The following DMPK variants were observed in gnomAD, a reference collection of about 807,000 sequenced individuals.
DMPK encodes the protein DM1 protein kinase, also known as myotonin-protein kinase.
Under a neutral mutation model 70.3 loss-of-function variants are expected in DMPK, and 32 were observed. The ratio of observed to expected loss-of-function variants is 0.46; its 90% CI spans 0.34 to 0.61. The LOEUF (loss-of-function observed/expected upper bound fraction) is 0.61, where lower values mean the gene tolerates loss of function less well. Among genes scored for constraint, DMPK ranks in the 20% least tolerant of loss-of-function variants. DMPK has a pLI of 0.01. For missense variants in DMPK, 899 were observed against 886.0 expected (o/e 1.01, Z -0.19); for synonymous variants, 469 against 390.9 (o/e 1.20, Z -2.36).
rs1178184279 is a variant in DMPK, at chr19:45,777,858, C to T, written c.691G>A (p.Ala231Thr). The T allele has an allele frequency of 1.2e-6, 2 of 1,608,664 alleles. No homozygotes were observed. Among genetic ancestry groups the T allele is most frequent in the Non-Finnish European group, 8.5e-7 (1 of 1,179,480 alleles). The change falls in exon 7 of 15, where the codon GCT becomes ACT. Residue 231 changes from alanine to threonine, a missense_variant. By Grantham distance (58) the Ala-to-Thr change is moderately conservative. Around this residue, in one of 3 missense-constraint regions of DMPK, gnomAD observed 195 missense variants for 259.7 expected, o/e 0.75. Coordinates refer to ENST00000291270, the MANE Select transcript of DMPK (RefSeq NM_004409.5). This position sits in a 1 kb window ranked among gnomAD's most constrained non-coding sequence, Gnocchi z 6.7. ...RADGTVRSLV[A>T]VGTPDYLSPE... ...GACAGGTAGTCTGGGGTGCCCACAG[C>T]CACCAGCGACCGCACCTGGACCAAA...
intron 8 of DMPK, among the ~76,000 whole-genome samples, chr19:45,775,818 CTTT>C (rs1302500628): frequency 3.6e-5 from 3 of 84,490 alleles, no homozygotes; most frequent in Admixed American, 1.5e-4. Flanking sequence ...TTGCCCAACC[CTTT>C]TTTTTTTTTT....
rs1969820354 is a variant in DMPK, at chr19:45,777,243, G to A, written c.1146+84C>T. On this transcript the variant is annotated intron_variant, in intron 8 of 14. Transcript: ENST00000291270. The surrounding 1 kb of genome is among the most constrained non-coding windows in gnomAD (Gnocchi z 6.7). ...GGGGAATGAGTGATTCAGGACCCCA[G>A]AAGGTAGGCACTGTCCTTACTCCAA... 6.9e-7 allele frequency: 1 copy of A among 1,451,462 alleles called. No individual in the cohort carries two copies. Among genetic ancestry groups the A allele is most frequent in the Non-Finnish European group, 9.1e-7 (1 of 1,101,960 alleles). 89.9% of individuals were successfully genotyped at this position (1,451,462 alleles called of 1,614,324 possible).
At position 45,771,007 on chromosome 19, in the gene DMPK, G is replaced by A; in HGVS notation, c.1701C>T (p.Gly567=). 3 of 1,472,540 alleles carry A rather than the reference G, an allele frequency of 2.0e-6. No homozygotes were observed. The highest frequency in any genetic ancestry group is 2.7e-6 in the Non-Finnish European group (3 of 1,115,868). The allele number at this position is 1,472,540 out of a possible 1,614,324, so 91.2% of individuals were successfully genotyped here. ...GCAGCAGGTGGCGGCGGTGCATGGG[G>A]CCTGGCCCCACCAGCGGGCACTGGC... ...AVGQCPLVGP[G]PMHRRHLLLP... The change falls in exon 14 of 15, where the codon GGC becomes GGT. Residue 567 remains glycine (G), a synonymous_variant. Coordinates refer to ENST00000291270, the MANE Select transcript of DMPK (RefSeq NM_004409.5).
At position 45,777,754 on chromosome 19, in the gene DMPK, A is replaced by G; in HGVS notation, c.795T>C (p.Gly265=). The G allele has an allele frequency of 6.2e-7, 1 of 1,613,136 alleles. No homozygotes were observed. Among genetic ancestry groups the G allele is most frequent in the Non-Finnish European group, 8.5e-7 (1 of 1,179,980 alleles). Residue 265 remains glycine, a synonymous_variant, in exon 7 of 15, where the codon GGT becomes GGC. Coordinates refer to ENST00000291270, the MANE Select transcript of DMPK (RefSeq NM_004409.5). This position sits in a 1 kb window ranked among gnomAD's most constrained non-coding sequence, Gnocchi z 6.7. Reference sequence around the variant, plus strand: ...CATAGAACATTTCATAGGCGAATACACCCAGCGCCCACCAGTCACACTCGG... The same window carrying G: ...CATAGAACATTTCATAGGCGAATACGCCCAGCGCCCACCAGTCACACTCGG... ...YGPECDWWAL[G]VFAYEMFYGQ...
intron 8 of DMPK, among the ~76,000 whole-genome samples, chr19:45,776,245 G>A (rs1489725519): frequency 2.1e-5 from 2 of 93,048 alleles, no homozygotes; most frequent in Non-Finnish European, 2.2e-5. Context: ...CCGGGTTCAC[G>A]CCATTCTCCT....
rs774809286 is a variant in DMPK, at chr19:45,779,882, T to C, written c.161-13A>G. 6.2e-7 allele frequency: 1 copy of C among 1,613,120 alleles called. No individual in the cohort carries two copies. Among genetic ancestry groups the C allele is most frequent in the Non-Finnish European group, 8.5e-7 (1 of 1,179,786 alleles). On this transcript the variant is annotated splice_polypyrimidine_tract_variant and intron_variant, in intron 1 of 14. Transcript: ENST00000291270. Reference sequence around the variant, plus strand: ...ACGATGGGCTCCGCTGGGGGGGTGGTGGGGGAAAAGAACCGAGGGTCACCA... The same window carrying C: ...ACGATGGGCTCCGCTGGGGGGGTGGCGGGGGAAAAGAACCGAGGGTCACCA...
Position 45,777,218 on chromosome 19 carries a change from G to A in DMPK, c.1146+109C>T. 7.1e-7 allele frequency: 1 copy of A among 1,403,718 alleles called. No individual in the cohort carries two copies. Among genetic ancestry groups the A allele is most frequent in the Non-Finnish European group, 9.4e-7 (1 of 1,066,766 alleles). 87.0% of individuals were successfully genotyped at this position (1,403,718 alleles called of 1,614,324 possible). On this transcript the variant is annotated intron_variant, in intron 8 of 14. Coordinates refer to ENST00000291270, the MANE Select transcript of DMPK (RefSeq NM_004409.5). The surrounding 1 kb of genome is among the most constrained non-coding windows in gnomAD (Gnocchi z 6.7). ...TAGATGGGCACAGAGCAGGTGCTCT[G>A]GGGAATGAGTGATTCAGGACCCCAG... is the stretch of plus-strand genomic sequence containing the variant.
chr19:45,780,027 G>GT, intron 1 of DMPK, 158 bp from the exon 2 acceptor site: 1 of 1,549,726 alleles, frequency 6.5e-7, no homozygotes, highest in East Asian at 2.4e-5. Context: ...TAAACACCGT[G>GT]TAAGGTTCTG....
chr19:45,780,520 C>T, intron 1 of DMPK: 2 of 1,078,100 alleles, frequency 1.9e-6, no homozygotes, highest in Non-Finnish European at 2.3e-6. Flanking sequence ...GACAATCAGG[C>T]CTCTCAGAAG....
In DMPK at chr19:45,776,134, ATTTTTTT is replaced by A. The variant is rs534946812; in HGVS notation, c.1147-1107_1147-1101del. Among the ~76,000 whole-genome samples, 82 of 48,346 alleles carry A rather than the reference ATTTTTTT, an allele frequency of 1.7e-3. 9 individuals are homozygous for A. The highest frequency in any genetic ancestry group is 4.8e-3 in the African/African-American group (57 of 11,948). The allele number at this position is 48,346 out of a possible 152,430, so 31.7% of individuals were successfully genotyped here. A position where few individuals can be genotyped will look rare whatever the true frequency, so the allele number is the denominator to read the frequency against. ...ACAGCGCCCGGCCGCGGTCCAGCCT[ATTTTTTT>A]TTTTTTTTTTTTTTTTTTCTGAGAC... is the stretch of plus-strand genomic sequence containing the variant. On this transcript the variant is annotated intron_variant, in intron 8 of 14. Transcript: ENST00000291270.
Position 45,782,422 on chromosome 19 carries a change from AGCCCCTGTCCAGGCCCTGGAGCCCTGGCT to A in DMPK, c.-99_-71del. ...GGGTCCTCCTGTCACAGGGCCTGGCAGCCCCTGTCCAGGCCCTGGAGCCCTGGCTGCATGTCTGCCTGTCCCTGGCTGTC... is the reference window on the plus strand; with the variant it reads ...GGGTCCTCCTGTCACAGGGCCTGGCAGCATGTCTGCCTGTCCCTGGCTGTC... On this transcript the variant is annotated 5_prime_UTR_variant, in exon 1 of 15. The change abolishes the stop of an existing upstream ORF in the 5' untranslated region. Coordinates refer to ENST00000291270, the MANE Select transcript of DMPK (RefSeq NM_004409.5). 6.9e-7 allele frequency: 1 copy of A among 1,447,864 alleles called. No homozygotes were observed. Among genetic ancestry groups the A allele is most frequent in the Non-Finnish European group, 9.1e-7 (1 of 1,097,936 alleles). 89.7% of individuals were successfully genotyped at this position (1,447,864 alleles called of 1,614,324 possible).
At position 45,782,472 on chromosome 19, in the gene DMPK, C is replaced by T. The variant is rs1169164357; in HGVS notation, c.-120G>A. 1.7e-6 allele frequency: 2 copies of T among 1,197,650 alleles called. No individual in the cohort carries two copies. The highest frequency in any genetic ancestry group is 2.2e-6 in the Non-Finnish European group (2 of 889,068). The allele number at this position is 1,197,650 out of a possible 1,614,324, so 74.2% of individuals were successfully genotyped here. ...TGGCTGCATGTCTGCCTGTCCCTGG[C>T]TGTCCCCTGGGCCTCTCTGGCCACT... On this transcript the variant is annotated 5_prime_UTR_variant, in exon 1 of 15. Coordinates refer to ENST00000291270, the MANE Select transcript of DMPK (RefSeq NM_004409.5).
chr19:45,774,047 C>G (rs1194718939), intron 9 of DMPK, among the ~76,000 whole-genome samples: 1 of 151,140 alleles, frequency 6.6e-6, no homozygotes, highest in Non-Finnish European at 1.5e-5. Flanking sequence ...ACCTCCCCCT[C>G]CTGGGTTCTG....
chr19:45,771,530 C>G, intron 12 of DMPK, 38 bp downstream of exon 12: 1 of 1,613,356 alleles, frequency 6.2e-7, no homozygotes. Context: ...CCCACCTCCT[C>G]CCGGTCCTCC....
In DMPK at chr19:45,770,572, G is replaced by A; in HGVS notation, c.1806C>T (p.Ala602=). 2 of 1,551,796 alleles carry A rather than the reference G, an allele frequency of 1.3e-6. No homozygotes were observed. Among genetic ancestry groups the A allele is most frequent in the Non-Finnish European group, 1.7e-6 (2 of 1,147,514 alleles). The part of the protein sequence containing the change: ...LLFAVVLSRA[A]ALGCIGLVAH... ...CCACCAACCCAATGCAGCCCAGGGC[G>A]GCGGCACGAGACAGAACAACGGCGA... Residue 602 remains alanine (A), a synonymous_variant, in exon 15 of 15, where the codon GCC becomes GCT. Coordinates refer to ENST00000291270, the MANE Select transcript of DMPK (RefSeq NM_004409.5).
At chr19:45,770,707 C>T in intron 14 of DMPK, 67 bp from the exon 15 acceptor site, 2 of 1,510,594 alleles carry the variant, frequency 1.3e-6, no homozygotes, top group African/African-American at 2.8e-5. Context: ...CTCGCCCCGC[C>T]TACGCCCATA....
intron 8 of DMPK, among the ~76,000 whole-genome samples, chr19:45,776,293 G>A (rs562686918): frequency 2.1e-5 from 2 of 97,352 alleles, no homozygotes; most frequent in African/African-American, 3.5e-5. Flanking sequence ...ACAGGCGCCC[G>A]CCACCACGCC....
Position 45,770,442 on chromosome 19 carries a change from A to C in DMPK, c.*46T>G, listed in dbSNP as rs1471891567. 1.3e-6 allele frequency: 2 copies of C among 1,546,034 alleles called. No homozygotes were observed. The highest frequency in any genetic ancestry group is 2.0e-5 in the Admixed American group (1 of 50,928). On this transcript the variant is annotated 3_prime_UTR_variant, in exon 15 of 15. Coordinates refer to ENST00000291270, the MANE Select transcript of DMPK (RefSeq NM_004409.5). ...GCGGCTTCTGTGCCGTGCCCCGGGC[A>C]CTCAGTCTTCCAACGGGGCCCCGGA...
At position 45,770,323 on chromosome 19, in the gene DMPK, C is replaced by T. The variant is rs1041686425; in HGVS notation, c.*165G>A. Reference sequence around the variant, plus strand: ...TCGCCGGCCGCGGACCCGGCCCCTCCCTCCCCGGCCGCTAGGGGGCGGGCC... The same window carrying T: ...TCGCCGGCCGCGGACCCGGCCCCTCTCTCCCCGGCCGCTAGGGGGCGGGCC... On this transcript the variant is annotated 3_prime_UTR_variant, in exon 15 of 15. Transcript: ENST00000291270. 2 of 993,210 alleles carry T rather than the reference C, an allele frequency of 2.0e-6. No homozygotes were observed. Among genetic ancestry groups the T allele is most frequent in the African/African-American group, 3.4e-5 (2 of 58,320 alleles). The allele number at this position is 993,210 out of a possible 1,614,324, so 61.5% of individuals were successfully genotyped here.
Sources: allele counts gnomAD v4.1 joint callset (sites outside exome capture counted in the v4.1 genomes callset), GRCh38; gene constraint gnomAD v4.1.1; regional missense constraint gnomAD v4.1.1; non-coding constraint Gnocchi (gnomAD v3.1); transcripts MANE v1.5; gene names NCBI Gene and HGNC (gene_info 2026-07-23, HGNC 2026-07-21).